Variants in ZC3H18 observed in about 807,000 individuals in gnomAD.
The protein encoded by ZC3H18 is zinc finger CCCH domain-containing protein 18.
In ZC3H18, 8 loss-of-function variants were observed where a neutral mutation model predicts 106.1. The ratio of observed to expected loss-of-function variants is 0.08; its 90% CI spans 0.04 to 0.14. The LOEUF is 0.14. Among genes scored for constraint, ZC3H18 ranks in the 10% least tolerant of loss-of-function variants. ZC3H18 has a pLI of 1.00. For missense variants in ZC3H18, 1,318 were observed against 1,278.4 expected (o/e 1.03, Z -0.47); for synonymous variants, 635 against 522.1 (o/e 1.22, Z -2.95).
chr16:88,610,072 C>T (rs1905202614), intron 7 of ZC3H18, among the ~76,000 whole-genome samples: 1 of 152,058 alleles, frequency 6.6e-6, no homozygotes, highest in Admixed American at 6.5e-5. Flanking sequence ...CTGTTCCGGG[C>T]CTGCTGCACC....
rs773350587 is a variant in ZC3H18, at chr16:88,623,976, G to A, written c.1812G>A (p.Ser604=). 105 of 1,611,908 alleles carry A rather than the reference G, an allele frequency of 6.5e-5. No homozygotes were observed. The highest frequency in any genetic ancestry group is 7.0e-5 in the Non-Finnish European group (83 of 1,178,744). Residue 604 remains serine, a synonymous_variant, in exon 11 of 18, where the codon TCG becomes TCA. Transcript: ENST00000301011. The part of the protein sequence containing the change: ...GSRSRSRSFS[S]SPSPSPTPSP... ...CCCCTAGGTCCCGGTCCTTCTCTTC[G>A]TCCCCGTCCCCGTCCCCAACACCTT...
chr16:88,589,955 G>A (rs527450621), intron 3 of ZC3H18, among the ~76,000 whole-genome samples: 9 of 152,332 alleles, frequency 5.9e-5, no homozygotes, highest in Non-Finnish European at 1.2e-4. Context: ...TATGTTATGT[G>A]AATTGTGTCA....
chr16:88,573,556 T>C (rs182964195), intron 1 of ZC3H18, among the ~76,000 whole-genome samples: 70 of 152,064 alleles, frequency 4.6e-4, no homozygotes, highest in Non-Finnish European at 1.8e-4. Context: ...CTTTCCCATT[T>C]TCAGCAGTGT....
intron 6 of ZC3H18, among the ~76,000 whole-genome samples, chr16:88,600,794 T>C (rs1904708706): frequency 6.6e-6 from 1 of 152,204 alleles, no homozygotes; most frequent in Non-Finnish European, 1.5e-5. Context: ...CTTGGGGGAT[T>C]GCATGGCATA....
chr16:88,609,120 A>G (rs757018785), intron 7 of ZC3H18, 69 bp downstream of exon 7: 68 of 1,333,710 alleles, frequency 5.1e-5, no homozygotes, highest in Non-Finnish European at 6.4e-5. Flanking sequence ...CTTTTTATTT[A>G]CAGTAAAAAA....
At chr16:88,629,870 G>A (rs1475534137) in intron 16 of ZC3H18, among the ~76,000 whole-genome samples, 1 of 152,222 alleles carries the variant, frequency 6.6e-6, no homozygotes. Flanking sequence ...GGGGCTTCCA[G>A]ACCCCTTCCC....
At chr16:88,601,304 C>T (rs1052770907) in intron 6 of ZC3H18, among the ~76,000 whole-genome samples, 1 of 152,094 alleles carries the variant, frequency 6.6e-6, no homozygotes, top group Non-Finnish European at 1.5e-5. Flanking sequence ...CTCCTGAAGC[C>T]CTGGAGGCCT....
intron 8 of ZC3H18, among the ~76,000 whole-genome samples, chr16:88,618,234 G>A (rs141732771): frequency 3.2e-4 from 48 of 152,110 alleles, no homozygotes; most frequent in African/African-American, 1.1e-3. Flanking sequence ...GGCACTCCAG[G>A]TCTGCTTTGG....
chr16:88,592,633 C>T lies in ZC3H18; in HGVS notation c.689-5545C>T, dbSNP rs1915818444. On this transcript the variant is annotated intron_variant, in intron 3 of 17. Transcript: ENST00000301011. ...GAGATTACAGGCGCATGCCACCATG[C>T]CTGGCTAATTTTTGTATTTTAGTAG... is the stretch of plus-strand genomic sequence containing the variant. Among the ~76,000 whole-genome samples the T allele has an allele frequency of 2.0e-5, 3 of 152,114 alleles. No homozygotes were observed. In the South Asian group the frequency reaches 6.2e-4, roughly 32 times the overall value.
Position 88,631,516 on chromosome 16 carries a change from A to G in ZC3H18, c.*217A>G. 2.9e-6 allele frequency: 2 copies of G among 684,130 alleles called. No individual in the cohort carries two copies. Among genetic ancestry groups the G allele is most frequent in the South Asian group, 1.5e-5 (1 of 64,548 alleles). The allele number at this position is 684,130 out of a possible 1,614,324, so 42.4% of individuals were successfully genotyped here. A position where few individuals can be genotyped will look rare whatever the true frequency, so the allele number is the denominator to read the frequency against. ...CAGAAGTCCCGCAGGACAGACAGAC[A>G]CAGACAGCGCTAGTGACCAGCACGG... is the stretch of plus-strand genomic sequence containing the variant. On this transcript the variant is annotated 3_prime_UTR_variant, in exon 18 of 18. Coordinates refer to ENST00000301011, the MANE Select transcript of ZC3H18 (RefSeq NM_144604.4).
rs1240036234 is a variant in ZC3H18 at position 88,623,238 on chromosome 16, T to G, written c.1687T>G (p.Ser563Ala). 1.2e-6 allele frequency: 2 copies of G among 1,613,456 alleles called. No homozygotes were observed. The highest frequency in any genetic ancestry group is 1.7e-6 in the Non-Finnish European group (2 of 1,179,932). The change falls in exon 10 of 18, where the codon TCC becomes GCC. Residue 563 changes from serine to alanine, a missense_variant. By Grantham distance (99) the Ser-to-Ala change is moderately conservative. Transcript: ENST00000301011. The part of the protein sequence containing the change: ...NSSRSSSRSS[S>A]YSGSGSSRSR... ...CCCCAGGTCGTCTTCGCGGTCATCG[T>G]CCTACTCTGGCTCCGGCTCCTCCCG...
intron 3 of ZC3H18, chr16:88,587,443 C>G (rs1245184187): frequency 1.9e-6 from 2 of 1,045,762 alleles, no homozygotes; most frequent in East Asian, 5.2e-5. Flanking sequence ...GTGTTTTTCT[C>G]TTTTCTCTTA....
intron 7 of ZC3H18, 47 bp downstream of exon 7, chr16:88,609,098 T>G: frequency 6.8e-7 from 1 of 1,465,350 alleles, no homozygotes; most frequent in Non-Finnish European, 9.5e-7. Flanking sequence ...GATCTGTTCA[T>G]TCAAGTTATC....
At chr16:88,625,430 C>T in intron 13 of ZC3H18, 163 bp downstream of exon 13, 1 of 820,168 alleles carries the variant, frequency 1.2e-6, no homozygotes, top group Non-Finnish European at 1.9e-6. Flanking sequence ...AGCTTTGACA[C>T]AGGAGAAAAT....
intron 3 of ZC3H18, among the ~76,000 whole-genome samples, chr16:88,590,016 C>G (rs1306057932): frequency 6.6e-6 from 1 of 152,170 alleles, no homozygotes; most frequent in African/African-American, 2.4e-5. Flanking sequence ...GGCATGGTAG[C>G]TCATACCTGG....
chr16:88,595,915 C>A (rs1305556955), intron 3 of ZC3H18, among the ~76,000 whole-genome samples: 1 of 152,144 alleles, frequency 6.6e-6, no homozygotes, highest in Non-Finnish European at 1.5e-5. Flanking sequence ...TGTGTTCCTA[C>A]ACAGATAAAA....
chr16:88,587,560 C>G, intron 3 of ZC3H18: 1 of 1,536,088 alleles, frequency 6.5e-7, no homozygotes, highest in Non-Finnish European at 8.7e-7. Flanking sequence ...ACACCATTAT[C>G]CACTCTTCTT....
At chr16:88,598,416 C>A (rs1290466280) in intron 4 of ZC3H18, 90 bp downstream of exon 4, 4 of 1,529,618 alleles carry the variant, frequency 2.6e-6, no homozygotes, top group African/African-American at 1.4e-5. Context: ...TGTGCCTTAG[C>A]ACAGGCTCAG....
At chr16:88,571,281 A>G (rs916296592) in intron 1 of ZC3H18, among the ~76,000 whole-genome samples, 4 of 152,238 alleles carry the variant, frequency 2.6e-5, no homozygotes, top group African/African-American at 9.6e-5. Context: ...GAACAACGCT[A>G]ACTCATTTGC....
Sources: gnomAD v4.1 joint callset for allele counts (sites outside exome capture counted in the v4.1 genomes callset) on GRCh38, gnomAD v4.1.1 for gene constraint, MANE v1.5 for transcripts, NCBI Gene and HGNC (gene_info 2026-07-23, HGNC 2026-07-21) for gene names.